Variants in SPAG16 observed in about 807,000 individuals in gnomAD.
SPAG16 encodes sperm-associated antigen 16 protein.
In SPAG16, 86 loss-of-function variants were observed where a neutral mutation model predicts 80.4. The ratio of observed to expected loss-of-function variants is 1.07; its 90% CI spans 0.90 to 1.28. The LOEUF (loss-of-function observed/expected upper bound fraction) is 1.28, where lower values mean the gene tolerates loss of function less well. SPAG16 is among the 50% of genes most tolerant of loss of function. SPAG16 has a pLI of 0.00. For synonymous variants in SPAG16, 294 were observed against 265.9 expected, an observed-to-expected ratio of 1.11 and a Z score of -1.03; for missense variants, 870 against 765.3, an observed-to-expected ratio of 1.14 and a Z score of -1.61.
intron 12 of SPAG16, among the ~76,000 whole-genome samples, chr2:213,947,708 G>A (rs528121722): frequency 2.0e-5 from 3 of 151,906 alleles, no homozygotes; most frequent in Admixed American, 6.6e-5. Flanking sequence ...CCTAATTTTC[G>A]AGAAAGGCAC....
intron 10 of SPAG16, among the ~76,000 whole-genome samples, chr2:213,563,252 A>AT (rs895479034): frequency 1.9e-4 from 28 of 151,306 alleles, no homozygotes; most frequent in South Asian, 1.3e-3. Flanking sequence ...TAAATGACAG[A>AT]TTTTTTTTTC....
intron 12 of SPAG16, among the ~76,000 whole-genome samples, chr2:214,001,455 C>A (rs545641321): frequency 6.6e-6 from 1 of 152,186 alleles, no homozygotes; most frequent in East Asian, 1.9e-4. Flanking sequence ...TCTTTCTTAC[C>A]CAGGTCTGGG....
At chr2:213,697,103 A>G (rs1165183786) in intron 10 of SPAG16, among the ~76,000 whole-genome samples, 2 of 152,158 alleles carry the variant, frequency 1.3e-5, no homozygotes, top group Non-Finnish European at 2.9e-5. Flanking sequence ...ATTTATTGTA[A>G]AAGAAAGAAA....
chr2:213,747,941 C>T (rs1356770132), intron 10 of SPAG16, among the ~76,000 whole-genome samples: 2 of 152,192 alleles, frequency 1.3e-5, no homozygotes, highest in South Asian at 2.1e-4. Flanking sequence ...GACAGCTGAA[C>T]TTTCACCTTT....
chr2:213,836,834 A>T (rs988880186), intron 10 of SPAG16, among the ~76,000 whole-genome samples: 2 of 152,002 alleles, frequency 1.3e-5, no homozygotes, highest in Admixed American at 6.6e-5. Flanking sequence ...GGCTGGTCTC[A>T]AACTCCTGAC....
At chr2:213,742,770 C>G (rs982624988) in intron 10 of SPAG16, among the ~76,000 whole-genome samples, 18 of 151,276 alleles carry the variant, frequency 1.2e-4, no homozygotes, top group Admixed American at 1.2e-3. Context: ...CCAGGCTGGT[C>G]CTGAACCCCT....
intron 9 of SPAG16, among the ~76,000 whole-genome samples, chr2:213,396,072 A>G (rs924670332): frequency 1.1e-4 from 16 of 152,166 alleles, no homozygotes; most frequent in Non-Finnish European, 2.1e-4. Context: ...TGGCAGTAGC[A>G]TACCTCTAGA....
chr2:214,319,685 G>A (rs181642404), intron 15 of SPAG16, among the ~76,000 whole-genome samples: 1 of 152,130 alleles, frequency 6.6e-6, no homozygotes, highest in East Asian at 1.9e-4. Context: ...ATATTTTCTT[G>A]AAGAAAAAGA....
chr2:214,118,623 G>C (rs932325943), intron 14 of SPAG16, among the ~76,000 whole-genome samples: 1 of 152,082 alleles, frequency 6.6e-6, no homozygotes, highest in Admixed American at 6.6e-5. Flanking sequence ...GATCTCTTGA[G>C]AACTCACACA....
intron 10 of SPAG16, among the ~76,000 whole-genome samples, chr2:213,802,073 T>C (rs755201760): frequency 6.6e-6 from 1 of 152,164 alleles, no homozygotes; most frequent in African/African-American, 2.4e-5. Flanking sequence ...AAAGCCCACT[T>C]TTTTGTTTGA....
At chr2:213,341,324 C>T (rs185545306) in intron 6 of SPAG16, among the ~76,000 whole-genome samples, 56 of 152,214 alleles carry the variant, frequency 3.7e-4, no homozygotes, top group African/African-American at 1.1e-3. Flanking sequence ...CCGATAGCTG[C>T]GCGATTGCAT....
chr2:213,477,075 G>A (rs1469468904), intron 9 of SPAG16, among the ~76,000 whole-genome samples: 1 of 151,990 alleles, frequency 6.6e-6, no homozygotes, highest in Non-Finnish European at 1.5e-5. Context: ...GGGTGGGCTC[G>A]AAAAAGGCAT....
intron 10 of SPAG16, among the ~76,000 whole-genome samples, chr2:213,525,777 A>G (rs1469492274): frequency 6.6e-6 from 1 of 152,092 alleles, no homozygotes; most frequent in Admixed American, 6.6e-5. Flanking sequence ...GTATATCTAC[A>G]TCTGTATCTA....
At chr2:213,326,824 C>CT (rs2063862968) in intron 5 of SPAG16, among the ~76,000 whole-genome samples, 1 of 151,854 alleles carries the variant, frequency 6.6e-6, no homozygotes, top group South Asian at 2.1e-4. Context: ...TTCAAAAATA[C>CT]TTAAAACTGT....
intron 1 of SPAG16, among the ~76,000 whole-genome samples, chr2:213,294,315 A>C (rs895446529): frequency 2.0e-5 from 3 of 152,196 alleles, no homozygotes; most frequent in Non-Finnish European, 4.4e-5. Flanking sequence ...TTTGTTAGTG[A>C]AAGATAAAAT....
intron 10 of SPAG16, among the ~76,000 whole-genome samples, chr2:213,823,683 A>G (rs1257116964): frequency 6.6e-6 from 1 of 151,958 alleles, no homozygotes; most frequent in East Asian, 1.9e-4. Context: ...TTTTTTTCAT[A>G]TATTTCTTGG....
At chr2:213,687,125 T>C (rs1366171870) in intron 10 of SPAG16, among the ~76,000 whole-genome samples, 2 of 152,310 alleles carry the variant, frequency 1.3e-5, no homozygotes, top group East Asian at 3.9e-4. Flanking sequence ...ATTTTGGTGG[T>C]TGTTTCTTGC....
chr2:213,610,144 A>G (rs993208419), intron 10 of SPAG16, among the ~76,000 whole-genome samples: 1 of 152,092 alleles, frequency 6.6e-6, no homozygotes, highest in African/African-American at 2.4e-5. Flanking sequence ...TAATATTTTT[A>G]AATATTTTAC....
intron 11 of SPAG16, among the ~76,000 whole-genome samples, chr2:213,873,386 G>C (rs1038223714): frequency 1.3e-5 from 2 of 151,486 alleles, no homozygotes; most frequent in Non-Finnish European, 2.9e-5. Flanking sequence ...AATAATTTGA[G>C]TCCTCTCTAT....
Sources: gnomAD v4.1 joint callset for allele counts (sites outside exome capture counted in the v4.1 genomes callset) on GRCh38, gnomAD v4.1.1 for gene constraint, MANE v1.5 for transcripts, NCBI Gene and HGNC (gene_info 2026-07-23, HGNC 2026-07-21) for gene names.